Variants in RBFOX1 observed in about 807,000 individuals in gnomAD.
The protein encoded by RBFOX1 is RNA binding fox-1 homolog 1.
A neutral mutation model predicts 57.7 loss-of-function variants in RBFOX1; 8 were observed. That is an observed-to-expected ratio of 0.14 (90% CI 0.08 to 0.25). The LOEUF is 0.25. Ranked by LOEUF, RBFOX1 falls within the 10% of genes least tolerant of loss-of-function variation. The pLI is 1.00. For missense variants in RBFOX1, 611 were observed against 548.5 expected, an observed-to-expected ratio of 1.11 and a Z score of -1.14; for synonymous variants, 326 against 222.4, an observed-to-expected ratio of 1.47 and a Z score of -4.15.
rs28631652 is a variant in RBFOX1, at chr16:7,695,963, G to C, written c.996-13093G>C. On this transcript the variant is annotated intron_variant, in intron 14 of 15. Transcript: ENST00000550418. ...AGCATAGGCAGCCATCAGGGGCTTC[G>C]GGTGGAGATAGTGAGATGAAAATCA... Among the ~76,000 whole-genome samples, 596 of 152,272 alleles carry C rather than the reference G, an allele frequency of 3.9e-3. 3 individuals carry two copies. The highest frequency in any genetic ancestry group is 0.013 in the African/African-American group (555 of 41,564).
At chr16:5,249,453 G>A (rs2062389924) in intron 1 of RBFOX1, among the ~76,000 whole-genome samples, 1 of 152,212 alleles carries the variant, frequency 6.6e-6, no homozygotes, top group Admixed American at 6.5e-5. Flanking sequence ...GTGCCTGGGA[G>A]GGGACGTGCA....
At chr16:7,315,448 T>C (rs1431193566) in intron 4 of RBFOX1, among the ~76,000 whole-genome samples, 2 of 127,434 alleles carry the variant, frequency 1.6e-5, no homozygotes. Context: ...AAAGCCCTAC[T>C]CTACCCTACC....
At chr16:7,068,868 C>A (rs2056735425) in intron 4 of RBFOX1, among the ~76,000 whole-genome samples, 1 of 152,200 alleles carries the variant, frequency 6.6e-6, no homozygotes, top group African/African-American at 2.4e-5. Flanking sequence ...GGGTTTCAGG[C>A]ATGAGCCACC....
At chr16:5,252,714 C>G (rs1459819563) in intron 1 of RBFOX1, among the ~76,000 whole-genome samples, 2 of 152,228 alleles carry the variant, frequency 1.3e-5, no homozygotes, top group African/African-American at 2.4e-5. Flanking sequence ...CCATCCGCCC[C>G]CATCTGGAGC....
intron 4 of RBFOX1, among the ~76,000 whole-genome samples, chr16:7,169,904 C>A (rs1601733258): frequency 6.6e-6 from 1 of 151,832 alleles, no homozygotes; most frequent in South Asian, 2.1e-4. Context: ...GACCCTATCT[C>A]TACAAAAAAA....
At chr16:6,517,032 T>G (rs2096393527) in intron 2 of RBFOX1, among the ~76,000 whole-genome samples, 1 of 152,162 alleles carries the variant, frequency 6.6e-6, no homozygotes, top group African/African-American at 2.4e-5. Context: ...ATCAACATAA[T>G]GAATGTTCCT....
chr16:6,726,785 T>TG (rs771243749), intron 3 of RBFOX1, among the ~76,000 whole-genome samples: 1 of 152,146 alleles, frequency 6.6e-6, no homozygotes, highest in Non-Finnish European at 1.5e-5. Context: ...GTAATTGCTA[T>TG]GTTCCCTACC....
chr16:5,584,457 A>T (rs1387121649), intron 2 of RBFOX1, among the ~76,000 whole-genome samples: 2 of 152,048 alleles, frequency 1.3e-5, no homozygotes, highest in Non-Finnish European at 2.9e-5. Flanking sequence ...TTGTCTCATT[A>T]CGTCTATTTC....
At chr16:7,316,989 C>CACACAA (rs1371399786) in intron 4 of RBFOX1, among the ~76,000 whole-genome samples, 2 of 151,640 alleles carry the variant, frequency 1.3e-5, no homozygotes, top group Admixed American at 1.3e-4. Context: ...CACACACAAA[C>CACACAA]ACACACACAC....
chr16:6,521,972 C>T (rs2096508732), intron 2 of RBFOX1, among the ~76,000 whole-genome samples: 1 of 152,180 alleles, frequency 6.6e-6, no homozygotes, highest in Non-Finnish European at 1.5e-5. Context: ...GTTCAGCTCT[C>T]ACTTTTCTCA....
At chr16:5,721,713 A>G (rs1054904182) in intron 3 of RBFOX1, among the ~76,000 whole-genome samples, 15 of 152,090 alleles carry the variant, frequency 9.9e-5, no homozygotes, top group African/African-American at 3.6e-4. Context: ...CTCTGCATCT[A>G]TTGAAATAAT....
intron 10 of RBFOX1, among the ~76,000 whole-genome samples, chr16:7,619,537 G>A (rs2058984138): frequency 6.6e-6 from 1 of 152,102 alleles, no homozygotes; most frequent in Non-Finnish European, 1.5e-5. Context: ...TCAAGATGAA[G>A]GATCTCATCC....
intron 2 of RBFOX1, among the ~76,000 whole-genome samples, chr16:6,467,542 G>A (rs2095077772): frequency 6.6e-6 from 1 of 152,118 alleles, no homozygotes; most frequent in South Asian, 2.1e-4. Flanking sequence ...CTTAGCTGTA[G>A]AATAAAGAGA....
intron 4 of RBFOX1, among the ~76,000 whole-genome samples, chr16:7,270,762 C>A (rs1284374647): frequency 6.6e-6 from 1 of 152,194 alleles, no homozygotes; most frequent in Non-Finnish European, 1.5e-5. Context: ...GATGCTTCAC[C>A]TTGCATCTGT....
intron 4 of RBFOX1, among the ~76,000 whole-genome samples, chr16:7,408,641 A>G (rs890636192): frequency 3.3e-5 from 5 of 152,358 alleles, no homozygotes; most frequent in African/African-American, 7.2e-5. Flanking sequence ...CAAGGCTGCT[A>G]TCTCCTACAG....
intron 1 of RBFOX1, among the ~76,000 whole-genome samples, chr16:6,066,565 A>G (rs1398221056): frequency 6.6e-6 from 1 of 152,128 alleles, no homozygotes; most frequent in Non-Finnish European, 1.5e-5. Context: ...CCATTTAAAT[A>G]CATTATCTGG....
At chr16:6,702,074 A>G (rs7190271) in intron 3 of RBFOX1, among the ~76,000 whole-genome samples, 23,780 of 152,164 alleles carry the variant, frequency 0.16, 2,037 homozygotes, top group Middle Eastern at 0.22. Context: ...ACAAACCTGC[A>G]CATGTACCCC....
intron 3 of RBFOX1, among the ~76,000 whole-genome samples, chr16:5,636,196 A>G (rs1243558269): frequency 6.6e-6 from 1 of 152,122 alleles, no homozygotes; most frequent in Non-Finnish European, 1.5e-5. Context: ...AAAAATACAA[A>G]AATTAGCTGG....
intron 2 of RBFOX1, among the ~76,000 whole-genome samples, chr16:6,587,453 T>C (rs574403249): frequency 6.6e-6 from 1 of 152,222 alleles, no homozygotes; most frequent in South Asian, 2.1e-4. Flanking sequence ...GGCTAATTTT[T>C]GTATTTTTAG....
Sources: allele counts gnomAD v4.1 joint callset (sites outside exome capture counted in the v4.1 genomes callset), GRCh38; gene constraint gnomAD v4.1.1; transcripts MANE v1.5; gene names NCBI Gene and HGNC (gene_info 2026-07-23, HGNC 2026-07-21).